RUSC2: variants seen among roughly 807,000 people sequenced by gnomAD.
RUSC2 encodes the protein RUN and SH3 domain containing 2.
RUSC2 carries 34 observed loss-of-function variants against 122.2 expected under a neutral mutation model. The ratio of observed to expected loss-of-function variants is 0.28; its 90% CI spans 0.21 to 0.37. The LOEUF (loss-of-function observed/expected upper bound fraction) is 0.37, where lower values mean the gene tolerates loss of function less well. Ranked by LOEUF, RUSC2 falls within the 10% of genes least tolerant of loss-of-function variation. The pLI is 1.00. For synonymous variants in RUSC2, 784 were observed against 790.0 expected, an observed-to-expected ratio of 0.99 and a Z score of 0.13; for missense variants, 1,747 against 1,952.4, an observed-to-expected ratio of 0.89 and a Z score of 1.98.
chr9:35,503,152 G>GC (rs925161637), intron 1 of RUSC2, among the ~76,000 whole-genome samples: 1 of 152,084 alleles, frequency 6.6e-6, no homozygotes, highest in Non-Finnish European at 1.5e-5. Context: ...GTGAGCCACC[G>GC]CACCCAGCCA....
At chr9:35,549,623 G>C (rs1207176569) in intron 2 of RUSC2, among the ~76,000 whole-genome samples, 2 of 152,232 alleles carry the variant, frequency 1.3e-5, no homozygotes, top group Non-Finnish European at 2.9e-5. Context: ...GCCCAATCTA[G>C]AAAGATGATT....
chr9:35,509,571 G>T (rs1250939113), intron 1 of RUSC2, among the ~76,000 whole-genome samples: 1 of 152,102 alleles, frequency 6.6e-6, no homozygotes, highest in Non-Finnish European at 1.5e-5. Context: ...CTTACAGGGG[G>T]ACAAAGAACA....
chr9:35,539,590 CAT>C (rs1482922934), intron 1 of RUSC2, among the ~76,000 whole-genome samples: 27 of 150,816 alleles, frequency 1.8e-4, no homozygotes, highest in Non-Finnish European at 3.1e-4. Flanking sequence ...CATGCATGCA[CAT>C]AGCTATACAT....
In RUSC2 at chr9:35,555,342, G is replaced by C. The variant is rs776985685; in HGVS notation, c.2297G>C (p.Gly766Ala). The change falls in exon 3 of 12, where the codon GGG becomes GCG. Residue 766 changes from glycine to alanine, a missense_variant. Transcript: ENST00000361226. The surrounding 1 kb of genome is among the most constrained non-coding windows in gnomAD (Gnocchi z 4.6). ...RATGRGARKA[G>A]SEPETSRPSP... ...ACTGGCAGAGGTGCCAGGAAAGCTG[G>C]GTCTGAGCCAGAGACCTCTCGGCCA... 3.1e-6 allele frequency: 5 copies of C among 1,614,090 alleles called. No individual in the cohort carries two copies. The highest frequency in any genetic ancestry group is 4.2e-6 in the Non-Finnish European group (5 of 1,180,036).
chr9:35,515,700 T>A (rs2132510452), intron 1 of RUSC2, among the ~76,000 whole-genome samples: 1 of 152,012 alleles, frequency 6.6e-6, no homozygotes, highest in South Asian at 2.1e-4. Context: ...ATCATGAGGA[T>A]TAGAAATGCA....
At chr9:35,529,842 T>G (rs998394883) in intron 1 of RUSC2, among the ~76,000 whole-genome samples, 2 of 152,186 alleles carry the variant, frequency 1.3e-5, no homozygotes, top group African/African-American at 4.8e-5. Flanking sequence ...TTTTTCTTCT[T>G]CCTTACCTTC....
Position 35,560,265 on chromosome 9 carries a change from G to C in RUSC2, c.3625G>C (p.Ala1209Pro). Residue 1209 changes from alanine (A) to proline (P), a missense_variant, in exon 10 of 12, where the codon GCC becomes CCC. Coordinates refer to ENST00000361226, the MANE Select transcript of RUSC2 (RefSeq NM_014806.5). ...LLSAHSTLQL[A>P]RARGQEGPGD... ...GTCTGCCCACTCCACGCTGCAGCTG[G>C]CCCGGGCCCGGGGCCAGGAGGGCCC... The C allele has an allele frequency of 6.3e-7, 1 of 1,586,330 alleles. No homozygotes were observed. The highest frequency in any genetic ancestry group is 8.6e-7 in the Non-Finnish European group (1 of 1,168,032).
chr9:35,552,540 T>C (rs1333751199), intron 2 of RUSC2, among the ~76,000 whole-genome samples: 1 of 152,152 alleles, frequency 6.6e-6, no homozygotes, highest in African/African-American at 2.4e-5. Context: ...TTTGGGATAT[T>C]TGATTGCAAA....
chr9:35,495,476 C>T (rs1199172368), intron 1 of RUSC2, among the ~76,000 whole-genome samples: 1 of 151,198 alleles, frequency 6.6e-6, no homozygotes, highest in Admixed American at 6.6e-5. Context: ...CTCATCTGAC[C>T]AGATATGTGA....
chr9:35,522,628 G>A (rs1174822390), intron 1 of RUSC2, among the ~76,000 whole-genome samples: 2 of 152,216 alleles, frequency 1.3e-5, no homozygotes, highest in African/African-American at 2.4e-5. Context: ...GAATACAGTA[G>A]ATGCTTGTGG....
Position 35,560,736 on chromosome 9 carries a change from G to A in RUSC2, c.4096G>A (p.Ala1366Thr), listed in dbSNP as rs1204981268. Residue 1366 changes from alanine to threonine, a missense_variant, in exon 10 of 12, where the codon GCT (alanine) becomes ACT (threonine). By Grantham distance (58) the Ala-to-Thr change is moderately conservative. Coordinates refer to ENST00000361226, the MANE Select transcript of RUSC2 (RefSeq NM_014806.5). ...LRRSREREGP[A>T]ASPAENEEGA... ...GCGCAGTCGGGAGAGGGAAGGGCCC[G>A]CTGCCTCGCCAGCAGAAAATGAGGA... 9 of 1,539,420 alleles carry A rather than the reference G, an allele frequency of 5.8e-6. No individual in the cohort carries two copies. Among genetic ancestry groups the A allele is most frequent in the South Asian group, 2.5e-5 (2 of 79,724 alleles).
In RUSC2 at chr9:35,547,810, C is replaced by G; in HGVS notation, c.1289C>G (p.Pro430Arg). The G allele has an allele frequency of 6.2e-7, 1 of 1,614,162 alleles. No individual in the cohort carries two copies. Among genetic ancestry groups the G allele is most frequent in the Non-Finnish European group, 8.5e-7 (1 of 1,180,044 alleles). The change falls in exon 2 of 12, where the codon CCA (proline) becomes CGA (arginine). Residue 430 changes from proline (P) to arginine (R), a missense_variant. By Grantham distance (103) the Pro-to-Arg change is moderately radical. Coordinates refer to ENST00000361226, the MANE Select transcript of RUSC2 (RefSeq NM_014806.5). The surrounding 1 kb of genome is among the most constrained non-coding windows in gnomAD (Gnocchi z 4.6). ...GAGGAACACACCAAGATAAGTCCCC[C>G]ACCAGGCCCTGGCCCAGACCCAGGC... is the stretch of plus-strand genomic sequence containing the variant. ...CSEEHTKISP[P>R]PGPGPDPGPS... is the part of the protein sequence containing the mutation.
In RUSC2 at chr9:35,546,785, T is replaced by G. The variant is rs183265021; in HGVS notation, c.264T>G (p.Ser88Arg). 6.2e-7 allele frequency: 1 copy of G among 1,607,462 alleles called. No homozygotes were observed. The highest frequency in any genetic ancestry group is 8.5e-7 in the Non-Finnish European group (1 of 1,177,042). Residue 88 changes from serine to arginine, a missense_variant, in exon 2 of 12, where the codon AGT becomes AGG. By Grantham distance (110) the Ser-to-Arg change is moderately radical. Coordinates refer to ENST00000361226, the MANE Select transcript of RUSC2 (RefSeq NM_014806.5). This position sits in a 1 kb window ranked among gnomAD's most constrained non-coding sequence, Gnocchi z 4.3. The part of the protein sequence containing the change: ...ARSIDSTKSR[S>R]RDGRGPGAPK... Reference sequence around the variant, plus strand: ...CTATAGACAGCACCAAGAGTAGGAGTCGGGATGGAAGAGGCCCTGGAGCCC... The same window carrying G: ...CTATAGACAGCACCAAGAGTAGGAGGCGGGATGGAAGAGGCCCTGGAGCCC...
intron 1 of RUSC2, among the ~76,000 whole-genome samples, chr9:35,502,205 CTT>C (rs1820829000): frequency 6.6e-6 from 1 of 152,206 alleles, no homozygotes; most frequent in Admixed American, 6.5e-5. Flanking sequence ...GCAGACCACA[CTT>C]TGAGTAGCAT....
At chr9:35,493,723 G>A (rs10972494) in intron 1 of RUSC2, among the ~76,000 whole-genome samples, 2 of 151,964 alleles carry the variant, frequency 1.3e-5, no homozygotes, top group South Asian at 2.1e-4. Context: ...GGCTGGTCTC[G>A]AACTTCTGAC....
chr9:35,548,875 AAAAT>A lies in RUSC2; in HGVS notation c.2014+344_2014+347del, dbSNP rs1821829957. On this transcript the variant is annotated intron_variant, in intron 2 of 11. Transcript: ENST00000361226. The surrounding 1 kb of genome is among the most constrained non-coding windows in gnomAD (Gnocchi z 4.5). The stretch of plus-strand genomic sequence containing the variant: ...TGAAACCCCAGCTCTACTAAAATAA[AAAAT>A]AAACTAGCCAGGAGTGGTAGCACCC... The A allele has an allele frequency of 1.8e-6, 1 of 558,754 alleles. No individual in the cohort carries two copies. Among genetic ancestry groups the A allele is most frequent in the Non-Finnish European group, 2.3e-6 (1 of 440,410 alleles). The allele number at this position is 558,754 out of a possible 1,614,324, so 34.6% of individuals were successfully genotyped here. A position where few individuals can be genotyped will look rare whatever the true frequency, so the allele number is the denominator to read the frequency against.
rs775508773 is a variant in RUSC2 at position 35,546,884 on chromosome 9, C to T, written c.363C>T (p.Ser121=). 1 of 1,593,014 alleles carries T rather than the reference C, an allele frequency of 6.3e-7. No individual in the cohort carries two copies. The highest frequency in any genetic ancestry group is 1.7e-5 in the Admixed American group (1 of 57,992). ...EPGLGDLYDD[S]IGDSATQQSF... is the part of the protein sequence containing the mutation. ...GACTTGGTGACCTGTATGATGACAG[C>T]ATTGGTGACAGTGCCACCCAGCAGT... Residue 121 remains serine, a synonymous_variant, in exon 2 of 12, where the codon AGC becomes AGT. Coordinates refer to ENST00000361226, the MANE Select transcript of RUSC2 (RefSeq NM_014806.5). The surrounding 1 kb of genome is among the most constrained non-coding windows in gnomAD (Gnocchi z 4.3).
intron 1 of RUSC2, among the ~76,000 whole-genome samples, chr9:35,493,349 G>A (rs954985534): frequency 2.6e-5 from 4 of 152,094 alleles, no homozygotes; most frequent in African/African-American, 7.2e-5. Flanking sequence ...ATTCCATGGT[G>A]TATATATACC....
At position 35,556,478 on chromosome 9, in the gene RUSC2, ACT is replaced by A. The variant is rs1179378217; in HGVS notation, c.2983+33_2983+34del. The A allele has an allele frequency of 6.8e-6, 11 of 1,606,108 alleles. No homozygotes were observed. The Admixed American group carries it at 8.4e-5, about 12-fold the overall frequency. Reference sequence around the variant, plus strand: ...ATACAACCCCCAGCTCAGGCCAGGGACTCTGCTGTCACTACCTCCTCACACTT... The same window carrying A: ...ATACAACCCCCAGCTCAGGCCAGGGACTGCTGTCACTACCTCCTCACACTT... On this transcript the variant is annotated intron_variant, in intron 5 of 11. Transcript: ENST00000361226.
Sources: allele counts gnomAD v4.1 joint callset (sites outside exome capture counted in the v4.1 genomes callset), GRCh38; gene constraint gnomAD v4.1.1; non-coding constraint Gnocchi (gnomAD v3.1); transcripts MANE v1.5; gene names NCBI Gene and HGNC (gene_info 2026-07-23, HGNC 2026-07-21).